Variants in PUM3 observed in about 807,000 individuals in gnomAD.
PUM3 encodes pumilio RNA binding family member 3.
In PUM3, 91 loss-of-function variants were observed where a neutral mutation model predicts 84.0. The ratio of observed to expected loss-of-function variants is 1.08; its 90% CI spans 0.91 to 1.29. PUM3 has a LOEUF of 1.29. Among genes scored for constraint, PUM3 ranks in the 50% most tolerant of loss-of-function variants. The pLI is 0.00. For synonymous variants in PUM3, 321 were observed against 266.7 expected, an observed-to-expected ratio of 1.20 and a Z score of -1.98; for missense variants, 1,067 against 767.5, an observed-to-expected ratio of 1.39 and a Z score of -4.61.
At chr9:2,812,194 A>G (rs1297622792) in intron 14 of PUM3, 26 bp downstream of exon 14, 6 of 1,604,658 alleles carry the variant, frequency 3.7e-6, no homozygotes, top group Non-Finnish European at 5.1e-6. Context: ...GGAATAAAGA[A>G]GTCAAGCCAT....
intron 7 of PUM3, among the ~76,000 whole-genome samples, chr9:2,830,168 G>T (rs1815937504): frequency 6.6e-6 from 1 of 151,778 alleles, no homozygotes; most frequent in Non-Finnish European, 1.5e-5. Context: ...AGTAGGGCAG[G>T]AAAAAAGATA....
chr9:2,822,244 G>C (rs1474174574), intron 12 of PUM3, among the ~76,000 whole-genome samples: 2 of 152,118 alleles, frequency 1.3e-5, no homozygotes, highest in South Asian at 4.1e-4. Flanking sequence ...TATGAACACT[G>C]TCAACTACTT....
intron 16 of PUM3, among the ~76,000 whole-genome samples, chr9:2,810,116 GC>G (rs1351267246): frequency 5.4e-5 from 8 of 146,794 alleles, no homozygotes; most frequent in African/African-American, 1.8e-4. Context: ...GGGGGGGCTG[GC>G]GGGGGGGGTT....
chr9:2,824,383 T>C (rs1289238482), intron 11 of PUM3, among the ~76,000 whole-genome samples: 2 of 152,132 alleles, frequency 1.3e-5, no homozygotes. Flanking sequence ...CTCTTCCCAT[T>C]TTCCCCTGCC....
rs758022107 is a variant in PUM3, at chr9:2,831,320, G to A, written c.541C>T (p.Arg181Cys). 7.5e-6 allele frequency: 12 copies of A among 1,607,330 alleles called. No homozygotes were observed. Among genetic ancestry groups the A allele is most frequent in the African/African-American group, 1.3e-5 (1 of 74,806 alleles). ...KTIAFAHDST[R>C]VIQCYIQYGN... ...TACTGAATGTAACACTGGATCACAC[G>A]AGTTGAATCGTGTGCAAATGCAATC... The change falls in exon 6 of 18, where the codon CGT becomes TGT. Residue 181 changes from arginine (R) to cysteine (C), a missense_variant. Transcript: ENST00000397885.
chr9:2,805,587 C>T (rs1337983038), intron 17 of PUM3, among the ~76,000 whole-genome samples: 1 of 152,154 alleles, frequency 6.6e-6, no homozygotes, highest in African/African-American at 2.4e-5. Context: ...ACCTACGATG[C>T]TAAAAAGTAA....
intron 9 of PUM3, 149 bp downstream of exon 9, chr9:2,828,526 T>C (rs1815883669): frequency 7.0e-6 from 4 of 574,776 alleles, no homozygotes; most frequent in East Asian, 2.9e-5. Context: ...GCACCAAGAA[T>C]GGTTTCAAAC....
At chr9:2,806,724 G>A (rs555789375) in intron 17 of PUM3, among the ~76,000 whole-genome samples, 1 of 152,208 alleles carries the variant, frequency 6.6e-6, no homozygotes, top group African/African-American at 2.4e-5. Context: ...ATACAAAAGA[G>A]GCCATAGCTC....
At chr9:2,814,459 C>T (rs541112448) in intron 13 of PUM3, among the ~76,000 whole-genome samples, 3 of 152,282 alleles carry the variant, frequency 2.0e-5, no homozygotes, top group Admixed American at 2.0e-4. Flanking sequence ...GATCCACCCA[C>T]CTCAGCCTCC....
rs1167953321 is a variant in PUM3 at position 2,833,348 on chromosome 9, G to A, written c.516+9C>T. On this transcript the variant is annotated intron_variant, in intron 5 of 17. Transcript: ENST00000397885. ...TTAAAAATTGCAACAATGAGTATAT[G>A]CTACTTACAGTTTTAATTTTCCCTT... The A allele has an allele frequency of 6.8e-7, 1 of 1,480,224 alleles. No homozygotes were observed. The highest frequency in any genetic ancestry group is 9.4e-7 in the Non-Finnish European group (1 of 1,064,098). 91.7% of individuals were successfully genotyped at this position (1,480,224 alleles called of 1,614,324 possible). A position where few individuals can be genotyped will look rare whatever the true frequency, so the allele number is the denominator to read the frequency against.
intron 13 of PUM3, 26 bp downstream of exon 13, chr9:2,819,992 A>G: frequency 6.7e-7 from 1 of 1,486,998 alleles, no homozygotes; most frequent in African/African-American, 1.4e-5. Flanking sequence ...ATGTAACTTA[A>G]ATTCAAGACC....
At chr9:2,843,531 C>A (rs113541477) in intron 1 of PUM3, among the ~76,000 whole-genome samples, 1 of 151,192 alleles carries the variant, frequency 6.6e-6, no homozygotes, top group Non-Finnish European at 1.5e-5. Flanking sequence ...TAACCCGGCA[C>A]GCAGGGCAAC....
At chr9:2,807,792 G>A (rs1821289209) in intron 17 of PUM3, 22 bp downstream of exon 17, 1 of 1,505,550 alleles carries the variant, frequency 6.6e-7, no homozygotes, top group Non-Finnish European at 9.2e-7. Flanking sequence ...CCTGCTCAGA[G>A]AAGGGCACAT....
rs1815956156 is a variant in PUM3, at chr9:2,830,860, C to T, written c.677+102G>A. ...CATCTGCTGAGAGCCATTACTATTA[C>T]TTATAAAGACCACAGACTTCCTATC... On this transcript the variant is annotated intron_variant, in intron 7 of 17. Coordinates refer to ENST00000397885, the MANE Select transcript of PUM3 (RefSeq NM_014878.5). The T allele has an allele frequency of 7.5e-6, 5 of 665,630 alleles. No homozygotes were observed. The South Asian group carries it at 8.6e-5, about 11-fold the overall frequency. 41.2% of individuals were successfully genotyped at this position (665,630 alleles called of 1,614,324 possible).
At position 2,822,857 on chromosome 9, in the gene PUM3, G is replaced by A. The variant is rs529547069; in HGVS notation, c.1188+924C>T. ...GAATTCCATATTTCACTTTATTATA[G>A]GAACGTTAGCTGCCTTCTGAATTCT... is the stretch of plus-strand genomic sequence containing the variant. On this transcript the variant is annotated intron_variant, in intron 12 of 17. Coordinates refer to ENST00000397885, the MANE Select transcript of PUM3 (RefSeq NM_014878.5). Among the ~76,000 whole-genome samples, 18 of 150,854 alleles carry A rather than the reference G, an allele frequency of 1.2e-4. No homozygotes were observed. The South Asian group carries it at 3.8e-3, about 32-fold the overall frequency.
chr9:2,820,363 T>G (rs1456661529), intron 12 of PUM3, among the ~76,000 whole-genome samples: 1 of 152,138 alleles, frequency 6.6e-6, no homozygotes, highest in Non-Finnish European at 1.5e-5. Context: ...CATTACCAAA[T>G]AGTCTAAAAC....
intron 11 of PUM3, 56 bp from the exon 12 acceptor site, chr9:2,823,890 G>T: frequency 1.2e-6 from 1 of 856,828 alleles, no homozygotes; most frequent in Non-Finnish European, 1.8e-6. Context: ...AGGGTATTTT[G>T]TAGTTAAACA....
intron 1 of PUM3, among the ~76,000 whole-genome samples, chr9:2,839,158 G>C (rs897556710): frequency 6.6e-6 from 1 of 152,134 alleles, no homozygotes; most frequent in African/African-American, 2.4e-5. Context: ...GCGCTTTATA[G>C]GCTACTGAGA....
intron 17 of PUM3, 49 bp from the exon 18 acceptor site, chr9:2,804,512 C>T (rs746741135): frequency 9.6e-6 from 15 of 1,558,402 alleles, no homozygotes; most frequent in African/African-American, 1.4e-5. Flanking sequence ...TAGATCATCT[C>T]CAATACTACC....
Sources: gnomAD v4.1 joint callset for allele counts (sites outside exome capture counted in the v4.1 genomes callset) on GRCh38, gnomAD v4.1.1 for gene constraint, MANE v1.5 for transcripts, NCBI Gene and HGNC (gene_info 2026-07-23, HGNC 2026-07-21) for gene names.